The following NUP88 variants were observed in gnomAD, a reference collection of about 807,000 sequenced individuals.
NUP88 encodes the protein nucleoporin 88.
NUP88 carries 57 observed loss-of-function variants against 93.9 expected under a neutral mutation model. That is an observed-to-expected ratio of 0.61 (90% CI 0.49 to 0.76). NUP88 has a LOEUF of 0.76. Ranked by LOEUF, NUP88 falls within the 30% of genes least tolerant of loss-of-function variation. The pLI is 0.00. For missense variants in NUP88, 911 were observed against 901.0 expected (o/e 1.01, Z -0.14); for synonymous variants, 346 against 336.8 (o/e 1.03, Z -0.30).
At chr17:5,414,229 CTT>C (rs1377609713) in intron 2 of NUP88, 95 bp from the exon 3 acceptor site, 15 of 1,126,080 alleles carry the variant, frequency 1.3e-5, no homozygotes, top group East Asian at 1.1e-4. Flanking sequence ...GAGTTTCTCT[CTT>C]GTTGCCCAGG....
chr17:5,404,140 G>A lies in NUP88; in HGVS notation c.1151C>T (p.Pro384Leu), dbSNP rs745853210. 10 of 1,613,958 alleles carry A rather than the reference G, an allele frequency of 6.2e-6. No homozygotes were observed. The highest frequency in any genetic ancestry group is 1.3e-5 in the African/African-American group (1 of 74,890). Residue 384 changes from proline to leucine, a missense_variant, in exon 7 of 17, where the codon CCT (proline) becomes CTT (leucine). Pro to Leu is a moderately conservative substitution (Grantham distance 98). Transcript: ENST00000573584. ...TGGACAAGAAAAGTCAGAATCAAAA[G>A]GGTCATCCTCTCCAGATGCCAGTTT... The part of the protein sequence containing the change: ...ALKLASGEDD[P>L]FDSDFSCPVK...
At chr17:5,404,975 T>C in intron 6 of NUP88, 82 bp downstream of exon 6, 2 of 1,162,040 alleles carry the variant, frequency 1.7e-6, no homozygotes, top group South Asian at 3.5e-5. Context: ...TAAAATTCCT[T>C]CTCATATATT....
rs925953256 is a variant in NUP88, at chr17:5,390,180, A to AAT, written c.1485-1222_1485-1221dup. On this transcript the variant is annotated intron_variant, in intron 10 of 16. Transcript: ENST00000573584. Reference sequence around the variant, plus strand: ...CTCCGTCTCAAAAAAAAAAAAAAAAAATATCCAGACAATTAATGTTTATTT... The same window carrying AAT: ...CTCCGTCTCAAAAAAAAAAAAAAAAAATATATCCAGACAATTAATGTTTATTT... Among the ~76,000 whole-genome samples, 4 of 149,542 alleles carry AAT rather than the reference A, an allele frequency of 2.7e-5. No individual in the cohort carries two copies. The East Asian group carries it at 5.9e-4, about 22-fold the overall frequency.
rs138380831 is a variant in NUP88, at chr17:5,394,908, C to T, written c.1365G>A (p.Thr455=). The change falls in exon 9 of 17, where the codon ACG becomes ACA. Residue 455 remains threonine, a synonymous_variant. Coordinates refer to ENST00000573584, the MANE Select transcript of NUP88 (RefSeq NM_002532.6). ...GTCCTTACCTGCAGGGCAATGGCTTCGTACAAAGGATGTGTTCAACAAAGC... is the reference window on the plus strand; with the variant it reads ...GTCCTTACCTGCAGGGCAATGGCTTTGTACAAAGGATGTGTTCAACAAAGC... The part of the protein sequence containing the change: ...QKCFVEHILC[T]KPLPCRQPAP... 21 of 1,612,768 alleles carry T rather than the reference C, an allele frequency of 1.3e-5. No individual in the cohort carries two copies. Among genetic ancestry groups the T allele is most frequent in the East Asian group, 4.5e-5 (2 of 44,892 alleles).
intron 12 of NUP88, 48 bp from the exon 13 acceptor site, chr17:5,387,718 CT>C: frequency 6.2e-7 from 1 of 1,608,268 alleles, no homozygotes; most frequent in Non-Finnish European, 8.5e-7. Context: ...CAGGTCTAGG[CT>C]ACCATACAGC....
At chr17:5,400,513 A>AAC (rs58348922) in intron 7 of NUP88, among the ~76,000 whole-genome samples, 2,158 of 150,412 alleles carry the variant, frequency 0.014, 30 homozygotes, top group South Asian at 0.025. Context: ...AAAAAAAAAA[A>AAC]AAAACTCAAT....
chr17:5,396,121 G>GA (rs1912761279), intron 8 of NUP88, among the ~76,000 whole-genome samples: 1 of 152,064 alleles, frequency 6.6e-6, no homozygotes, highest in African/African-American at 2.4e-5. Context: ...TGAGGCAGGT[G>GA]AATCGCTTGA....
At chr17:5,401,895 T>C (rs1175462191) in intron 7 of NUP88, among the ~76,000 whole-genome samples, 1 of 152,250 alleles carries the variant, frequency 6.6e-6, no homozygotes, top group Admixed American at 6.5e-5. Flanking sequence ...TGCTATACTG[T>C]AGCCATTTCA....
intron 5 of NUP88, among the ~76,000 whole-genome samples, chr17:5,407,348 C>A (rs1257843669): frequency 6.6e-6 from 1 of 152,188 alleles, no homozygotes; most frequent in Non-Finnish European, 1.5e-5. Flanking sequence ...CCGGTGATGC[C>A]CTGAGCACAT....
chr17:5,401,561 G>C (rs1271698085), intron 7 of NUP88, among the ~76,000 whole-genome samples: 1 of 152,082 alleles, frequency 6.6e-6, no homozygotes, highest in Non-Finnish European at 1.5e-5. Flanking sequence ...TTCTAAAGCT[G>C]ATATATTATT....
chr17:5,386,401 T>C, intron 16 of NUP88, 132 bp from the exon 17 acceptor site: 1 of 739,332 alleles, frequency 1.4e-6, no homozygotes, highest in Non-Finnish European at 2.3e-6. Flanking sequence ...AGGTTTCAGG[T>C]GGATAGCAAT....
At position 5,404,965 on chromosome 17, in the gene NUP88, T is replaced by G. The variant is rs1597325450; in HGVS notation, c.1044+92A>C. The G allele has an allele frequency of 4.5e-6, 5 of 1,114,534 alleles. No homozygotes were observed. In the South Asian group the frequency reaches 5.4e-5, roughly 12 times the overall value. The allele number at this position is 1,114,534 out of a possible 1,614,324, so 69.0% of individuals were successfully genotyped here. A position where few individuals can be genotyped will look rare whatever the true frequency, so the allele number is the denominator to read the frequency against. On this transcript the variant is annotated intron_variant, in intron 6 of 16. Transcript: ENST00000573584. ...AATATCAGAAGTTCCATAAGTAAGT[T>G]AAAATTCCTTCTCATATATTAAGCA...
At chr17:5,400,140 T>TAAAAAAAAAAAAA (rs1280995996) in intron 7 of NUP88, among the ~76,000 whole-genome samples, 3 of 120,670 alleles carry the variant, frequency 2.5e-5, no homozygotes, top group Admixed American at 9.0e-5. Context: ...TTTCATTTGT[T>TAAAAAAAAAAAAA]AAAAAAAAAA....
intron 16 of NUP88, among the ~76,000 whole-genome samples, chr17:5,386,507 T>C (rs1050493776): frequency 6.6e-6 from 1 of 151,424 alleles, no homozygotes; most frequent in Admixed American, 6.6e-5. Context: ...CACAACAAAA[T>C]CATGTTACTA....
chr17:5,407,593 A>C (rs1913572307), intron 5 of NUP88, among the ~76,000 whole-genome samples: 1 of 152,214 alleles, frequency 6.6e-6, no homozygotes, highest in Non-Finnish European at 1.5e-5. Context: ...ACCATGAAAG[A>C]TGATTCTCAT....
chr17:5,401,764 G>A (rs146222938), intron 7 of NUP88, among the ~76,000 whole-genome samples: 189 of 152,202 alleles, frequency 1.2e-3, no homozygotes, highest in African/African-American at 4.1e-3. Flanking sequence ...TGTTAAAATG[G>A]CTTTTCAAAA....
At position 5,414,105 on chromosome 17, in the gene NUP88, G is replaced by C. The variant is rs138885962; in HGVS notation, c.497C>G (p.Thr166Ser). 13 of 1,613,638 alleles carry C rather than the reference G, an allele frequency of 8.1e-6. No individual in the cohort carries two copies. The highest frequency in any genetic ancestry group is 1.0e-5 in the Non-Finnish European group (12 of 1,179,588). The stretch of plus-strand genomic sequence containing the variant: ...CTTTAGAGTCAGAGAGGTGGAACTG[G>C]TGAAAAATCTCTCCGCAACTGGAGT... ...STTPVAERFF[T>S]SSTSLTLKHA... Residue 166 changes from threonine to serine, a missense_variant, in exon 3 of 17, where the codon ACC becomes AGC. Thr to Ser is a moderately conservative substitution (Grantham distance 58, BLOSUM62 1). Transcript: ENST00000573584.
chr17:5,401,877 C>G (rs1276557536), intron 7 of NUP88, among the ~76,000 whole-genome samples: 1 of 152,148 alleles, frequency 6.6e-6, no homozygotes, highest in African/African-American at 2.4e-5. Flanking sequence ...TTGTTAGATA[C>G]CACCCTATGC....
rs10792 is a variant in NUP88, at chr17:5,384,859, A to T, written c.*1347T>A. On this transcript the variant is annotated 3_prime_UTR_variant, in exon 17 of 17. Transcript: ENST00000573584. The stretch of plus-strand genomic sequence containing the variant: ...TGAGTTACAGGGGATTTTATTAATT[A>T]TAAAATGCAATCAATTTAAATTACG... 65,591 of 218,380 alleles carry T rather than the reference A, an allele frequency of 0.3. 11,074 individuals carry two copies. Among genetic ancestry groups the T allele is most frequent in the East Asian group, 0.56 (8,014 of 14,294 alleles). The allele number at this position is 218,380 out of a possible 1,614,324, so 13.5% of individuals were successfully genotyped here.
Sources: allele counts gnomAD v4.1 joint callset (sites outside exome capture counted in the v4.1 genomes callset), GRCh38; gene constraint gnomAD v4.1.1; transcripts MANE v1.5; gene names NCBI Gene and HGNC (gene_info 2026-07-23, HGNC 2026-07-21).